The following NCLN variants were observed in gnomAD, a reference collection of about 807,000 sequenced individuals.
The protein encoded by NCLN is BOS complex subunit NCLN.
In NCLN, 34 loss-of-function variants were observed where a neutral mutation model predicts 69.5. That is an observed-to-expected ratio of 0.49 (90% CI 0.37 to 0.65). The LOEUF is 0.65. Among genes scored for constraint, NCLN ranks in the 30% least tolerant of loss-of-function variants. The pLI is 0.00. For missense variants in NCLN, 710 were observed against 804.8 expected (o/e 0.88, Z 1.42); for synonymous variants, 393 against 358.3 (o/e 1.10, Z -1.09).
chr19:3,193,157 C>G, intron 2 of NCLN, 127 bp from the exon 3 acceptor site: 1 of 904,090 alleles, frequency 1.1e-6, no homozygotes. Context: ...ACTGGGCCCC[C>G]TGCTACCCCC....
intron 1 of NCLN, among the ~76,000 whole-genome samples, chr19:3,191,994 G>A (rs553031619): frequency 1.3e-3 from 194 of 152,242 alleles, no homozygotes; most frequent in Non-Finnish European, 1.6e-3. Context: ...TTTGAGACCA[G>A]CCTGGCCAAC....
chr19:3,199,017 G>A (rs960205632), intron 5 of NCLN, 120 bp downstream of exon 5: 6 of 646,676 alleles, frequency 9.3e-6, no homozygotes, highest in Non-Finnish European at 1.4e-5. Flanking sequence ...TCCCTGTGAC[G>A]GCCTTTGCCC....
chr19:3,198,779 A>G (rs311621), intron 4 of NCLN, 38 bp from the exon 5 acceptor site: 647,566 of 1,536,526 alleles, frequency 0.42, 137,670 homozygotes, highest in East Asian at 0.49. Flanking sequence ...CACCTGCCCC[A>G]GGAACAGCCA....
chr19:3,190,942 G>A (rs1000425076), intron 1 of NCLN, among the ~76,000 whole-genome samples: 1 of 152,164 alleles, frequency 6.6e-6, no homozygotes, highest in Non-Finnish European at 1.5e-5. Flanking sequence ...GAACGTGGGT[G>A]GCCCTTTTAG....
intron 4 of NCLN, among the ~76,000 whole-genome samples, chr19:3,197,235 G>C (rs767238719): frequency 2.6e-5 from 4 of 152,234 alleles, no homozygotes; most frequent in Admixed American, 2.6e-4. Context: ...CGCATCCCAT[G>C]GGGCCATGTC....
At chr19:3,188,666 G>A (rs1438605597) in intron 1 of NCLN, among the ~76,000 whole-genome samples, 1 of 152,220 alleles carries the variant, frequency 6.6e-6, no homozygotes, top group Non-Finnish European at 1.5e-5. Context: ...CTGGACCCCA[G>A]CTTTTCTTTC....
intron 3 of NCLN, among the ~76,000 whole-genome samples, chr19:3,194,861 G>A (rs1039288115): frequency 6.6e-6 from 1 of 151,412 alleles, no homozygotes; most frequent in African/African-American, 2.4e-5. Flanking sequence ...ACTTGGTGGA[G>A]TATTATGCAG....
intron 4 of NCLN, 151 bp from the exon 5 acceptor site, chr19:3,198,666 C>A (rs1916038235): frequency 4.0e-6 from 2 of 505,486 alleles, no homozygotes; most frequent in South Asian, 6.9e-5. Context: ...GAGTCAGAGG[C>A]TGGCACCTCC....
At position 3,204,024 on chromosome 19, in the gene NCLN, C is replaced by A. The variant is rs1217649720; in HGVS notation, c.909C>A (p.Asp303Glu). 1.3e-6 allele frequency: 2 copies of A among 1,574,032 alleles called. No individual in the cohort carries two copies. ...LDHTDSSLLQ[D>E]NVAFVLCLDT... is the part of the protein sequence containing the mutation. The stretch of plus-strand genomic sequence containing the variant: ...CTGCAGACTCCAGCCTGCTTCAGGA[C>A]AATGTGGCCTTCGTGCTGTGCCTGG... Residue 303 changes from aspartate to glutamate, a missense_variant, in exon 8 of 15, where the codon GAC becomes GAA. Coordinates refer to ENST00000246117, the MANE Select transcript of NCLN (RefSeq NM_020170.4).
chr19:3,186,011 C>G lies in NCLN; in HGVS notation c.-20C>G. Reference sequence around the variant, plus strand: ...GTCCCGTCCCAGCTGCCGCCCCGCGCGGCCCCGCCGCCGGCCAGGATGCTG... The same window carrying G: ...GTCCCGTCCCAGCTGCCGCCCCGCGGGGCCCCGCCGCCGGCCAGGATGCTG... On this transcript the variant is annotated 5_prime_UTR_variant, in exon 1 of 15. Coordinates refer to ENST00000246117, the MANE Select transcript of NCLN (RefSeq NM_020170.4). The G allele has an allele frequency of 1.3e-6, 2 of 1,522,758 alleles. No individual in the cohort carries two copies. The highest frequency in any genetic ancestry group is 1.8e-6 in the Non-Finnish European group (2 of 1,139,942). 94.3% of individuals were successfully genotyped at this position (1,522,758 alleles called of 1,614,324 possible).
At chr19:3,198,503 T>A (rs1348736692) in intron 4 of NCLN, among the ~76,000 whole-genome samples, 1 of 134,904 alleles carries the variant, frequency 7.4e-6, no homozygotes. Context: ...TGAGATTCCG[T>A]CTCAAAAAAA....
At position 3,192,495 on chromosome 19, in the gene NCLN, G is replaced by A. The variant is rs776133555; in HGVS notation, c.210G>A (p.Thr70=). The part of the protein sequence containing the change: ...PYGTRNAVLN[T]EARTMAAEVL... Reference sequence around the variant, plus strand: ...GCACACGGAATGCAGTGCTGAACACGGAGGCGCGCACGATGGCGGCGGAGG... The same window carrying A: ...GCACACGGAATGCAGTGCTGAACACAGAGGCGCGCACGATGGCGGCGGAGG... Residue 70 remains threonine, a synonymous_variant, in exon 2 of 15, where the codon ACG becomes ACA. Coordinates refer to ENST00000246117, the MANE Select transcript of NCLN (RefSeq NM_020170.4). 22 of 1,606,152 alleles carry A rather than the reference G, an allele frequency of 1.4e-5. No individual in the cohort carries two copies. In the Middle Eastern group the frequency reaches 1.2e-3, roughly 86 times the overall value.
rs1399871032 is a variant in NCLN, at chr19:3,186,115, GTGC to G, written c.94_96del (p.Leu32del). 1 of 1,599,078 alleles carries G rather than the reference GTGC, an allele frequency of 6.3e-7. No homozygotes were observed. On this transcript the variant is annotated inframe_deletion, in exon 1 of 15. Transcript: ENST00000246117. The stretch of plus-strand genomic sequence containing the variant: ...CGGCTTCATCGTCTTCCTGCCCGCT[GTGC>G]TGCTGCTGGTGGCGCCGCCGCTGCC...
At chr19:3,199,426 A>G (rs1404138398) in intron 5 of NCLN, among the ~76,000 whole-genome samples, 2 of 152,208 alleles carry the variant, frequency 1.3e-5, no homozygotes, top group Non-Finnish European at 2.9e-5. Context: ...CCCGGTTCCT[A>G]TGGGAGCTGG....
intron 1 of NCLN, among the ~76,000 whole-genome samples, chr19:3,188,550 C>T (rs1915729576): frequency 6.6e-6 from 1 of 152,192 alleles, no homozygotes; most frequent in South Asian, 2.1e-4. Flanking sequence ...TCCCTTTCCC[C>T]TGCAGTCCTT....
At chr19:3,200,430 C>T (rs1435778354) in intron 5 of NCLN, among the ~76,000 whole-genome samples, 2 of 150,726 alleles carry the variant, frequency 1.3e-5, no homozygotes, top group Admixed American at 6.6e-5. Flanking sequence ...CCTGCCTCAA[C>T]CTCCGGAGTA....
chr19:3,186,779 C>T (rs1915681500), intron 1 of NCLN, among the ~76,000 whole-genome samples: 1 of 152,194 alleles, frequency 6.6e-6, no homozygotes, highest in Admixed American at 6.5e-5. Context: ...CCAGGCTGAG[C>T]CACCCGACGC....
At chr19:3,187,072 A>C (rs1418978261) in intron 1 of NCLN, among the ~76,000 whole-genome samples, 1 of 151,510 alleles carries the variant, frequency 6.6e-6, no homozygotes, top group Non-Finnish European at 1.5e-5. Flanking sequence ...ATGCATACCC[A>C]CGCCCTCAGC....
intron 9 of NCLN, among the ~76,000 whole-genome samples, 197 bp downstream of exon 9, chr19:3,204,948 G>A (rs1265944520): frequency 3.3e-5 from 5 of 152,220 alleles, no homozygotes; most frequent in Non-Finnish European, 1.5e-5. Flanking sequence ...GCTAGGGAGG[G>A]CGAGGCCAGC....
Sources: allele counts gnomAD v4.1 joint callset (sites outside exome capture counted in the v4.1 genomes callset), GRCh38; gene constraint gnomAD v4.1.1; transcripts MANE v1.5; gene names NCBI Gene and HGNC (gene_info 2026-07-23, HGNC 2026-07-21).